The following PRDM12 variants were observed in gnomAD, a reference collection of about 807,000 sequenced individuals.
PRDM12 encodes the protein PR domain zinc finger protein 12.
Under a neutral mutation model 29.6 loss-of-function variants are expected in PRDM12, and 17 were observed. The ratio of observed to expected loss-of-function variants is 0.57; its 90% confidence interval spans 0.39 to 0.86. The LOEUF (loss-of-function observed/expected upper bound fraction) is 0.86. Among genes scored for constraint, PRDM12 ranks in the 40% least tolerant of loss-of-function variants. PRDM12 has a pLI of 0.00. For missense variants in PRDM12, 422 were observed against 510.8 expected, an observed-to-expected ratio of 0.83 and a Z score of 1.68; for synonymous variants, 231 against 225.8, an observed-to-expected ratio of 1.02 and a Z score of -0.21.
In PRDM12 at chr9:130,681,161, C is replaced by T; in HGVS notation, c.683-87C>T. ...GGCCCCGGGCTGGGGGCGCTGAGGG[C>T]CCGGGCTGCGGGGCGCCGGTTCTAA... On this transcript the variant is annotated intron_variant, in intron 4 of 4. Coordinates refer to ENST00000253008, the MANE Select transcript of PRDM12 (RefSeq NM_021619.3). The surrounding 1 kb of genome is among the most constrained non-coding windows in gnomAD (Gnocchi z 8.1). 1 of 1,286,528 alleles carries T rather than the reference C, an allele frequency of 7.8e-7. No individual in the cohort carries two copies. Among genetic ancestry groups the T allele is most frequent in the Non-Finnish European group, 1.0e-6 (1 of 999,180 alleles). 79.7% of individuals were successfully genotyped at this position (1,286,528 alleles called of 1,614,324 possible). A position where few individuals can be genotyped will look rare whatever the true frequency, so the allele number is the denominator to read the frequency against.
Position 130,664,780 on chromosome 9 carries a change from A to G in PRDM12, c.127A>G (p.Asn43Asp), listed in dbSNP as rs149449772. 8.3e-5 allele frequency: 133 copies of G among 1,604,396 alleles called. No homozygotes were observed. Among genetic ancestry groups the G allele is most frequent in the Non-Finnish European group, 8.3e-5 (98 of 1,176,930 alleles). The change falls in exon 1 of 5, where the codon AAC (asparagine) becomes GAC (aspartate). Residue 43 changes from asparagine to aspartate, a missense_variant. Physicochemically the swap from Asn to Asp is conservative, Grantham distance 23. Transcript: ENST00000253008. The surrounding 1 kb of genome is among the most constrained non-coding windows in gnomAD (Gnocchi z 6.4). The part of the protein sequence containing the change: ...LHSFLYGRWR[N>D]VLGEQLFEDK... ...CAGCTTCCTGTACGGCCGCTGGCGC[A>G]ACGTGCTCGGGGAGCAGCTCTTCGA... is the stretch of plus-strand genomic sequence containing the variant.
At chr9:130,665,311 G>A (rs1238377052) in intron 1 of PRDM12, among the ~76,000 whole-genome samples, 3 of 152,140 alleles carry the variant, frequency 2.0e-5, no homozygotes, top group Non-Finnish European at 4.4e-5. Context: ...GGGCTGGGGA[G>A]GGGGTGGAGG....
chr9:130,673,773 G>A (rs992346223), intron 3 of PRDM12, among the ~76,000 whole-genome samples: 3 of 148,090 alleles, frequency 2.0e-5, no homozygotes, highest in Non-Finnish European at 4.4e-5. Flanking sequence ...CTGGATTCAA[G>A]CGATTCTCCT....
intron 1 of PRDM12, among the ~76,000 whole-genome samples, chr9:130,666,402 A>G (rs1830733385): frequency 6.6e-6 from 1 of 152,228 alleles, no homozygotes; most frequent in South Asian, 2.1e-4. Context: ...CAGGGCACGG[A>G]GGGTCTCCAG....
chr9:130,671,341 T>TCAA (rs111668015), intron 3 of PRDM12, among the ~76,000 whole-genome samples: 4,595 of 148,152 alleles, frequency 0.031, 263 homozygotes, highest in African/African-American at 0.11. Flanking sequence ...AGACTCCGTC[T>TCAA]CAACAACAAC....
At chr9:130,674,056 C>A (rs1250678208) in intron 3 of PRDM12, among the ~76,000 whole-genome samples, 2 of 130,642 alleles carry the variant, frequency 1.5e-5, no homozygotes, top group Non-Finnish European at 3.1e-5. Context: ...GCTCTGTCTC[C>A]CAGGCTGGAG....
intron 2 of PRDM12, among the ~76,000 whole-genome samples, chr9:130,667,179 T>C (rs1241664247): frequency 1.3e-5 from 2 of 152,268 alleles, no homozygotes; most frequent in African/African-American, 2.4e-5. Context: ...GGAAGCAGCC[T>C]GGGAAGCCCC....
chr9:130,666,331 A>G (rs1293042782), intron 1 of PRDM12, among the ~76,000 whole-genome samples: 2 of 152,190 alleles, frequency 1.3e-5, no homozygotes, highest in African/African-American at 4.8e-5. Flanking sequence ...ATGCTTTGAG[A>G]ATTCGCGGAG....
At chr9:130,675,267 C>T (rs1830831645) in intron 3 of PRDM12, among the ~76,000 whole-genome samples, 1 of 152,260 alleles carries the variant, frequency 6.6e-6, no homozygotes, top group Non-Finnish European at 1.5e-5. Flanking sequence ...GACCCCCAGG[C>T]CTGGAGCCTG....
At position 130,668,313 on chromosome 9, in the gene PRDM12, G is replaced by GGT. The variant is rs138789124; in HGVS notation, c.570+16_570+17dup. ...CCAGCATCTTCTACAAGGCCATTGA[G>GGT]GTGTGTGTGTGTGTGTGCACTGTTG... On this transcript the variant is annotated frameshift_variant and splice_region_variant. Coordinates refer to ENST00000253008, the MANE Select transcript of PRDM12 (RefSeq NM_021619.3). LOFTEE classifies it high-confidence loss of function. The surrounding 1 kb of genome is among the most constrained non-coding windows in gnomAD (Gnocchi z 4.0). The GGT allele has an allele frequency of 5.0e-3, 7,902 of 1,588,580 alleles. 198 individuals carry two copies. The African/African-American group carries it at 0.083, about 17-fold the overall frequency.
chr9:130,681,605 TCGCCGCCGCCGCCGC>T lies in PRDM12; in HGVS notation c.1062_1076del (p.Ala355_Ala359del), dbSNP rs752427775. The stretch of plus-strand genomic sequence containing the variant: ...GCCCCGCACGCGCACGCGCCCGCGC[TCGCCGCCGCCGCCGC>T]CGCCGCCGCCGCCGCCGCCGCGCAC... On this transcript the variant is annotated inframe_deletion, in exon 5 of 5. Coordinates refer to ENST00000253008, the MANE Select transcript of PRDM12 (RefSeq NM_021619.3). The surrounding 1 kb of genome is among the most constrained non-coding windows in gnomAD (Gnocchi z 8.1). 8,293 of 955,238 alleles carry T rather than the reference TCGCCGCCGCCGCCGC, an allele frequency of 8.7e-3. 335 individuals carry two copies. In the East Asian group the frequency reaches 0.22, roughly 26 times the overall value. 59.2% of individuals were successfully genotyped at this position (955,238 alleles called of 1,614,324 possible). A position where few individuals can be genotyped will look rare whatever the true frequency, so the allele number is the denominator to read the frequency against.
rs779430839 is a variant in PRDM12, at chr9:130,681,510, C to G, written c.945C>G (p.Arg315=). Residue 315 remains arginine (R), a synonymous_variant, in exon 5 of 5, where the codon CGC becomes CGG. Coordinates refer to ENST00000253008, the MANE Select transcript of PRDM12 (RefSeq NM_021619.3). This position sits in a 1 kb window ranked among gnomAD's most constrained non-coding sequence, Gnocchi z 8.1. ...CCTACTCGCAGCTGGCCGGCCTGCG[C>G]GCCCACCAGAAGAGCGCGCGGCACC... ...QSAYSQLAGL[R]AHQKSARHRP... 15 of 1,457,928 alleles carry G rather than the reference C, an allele frequency of 1.0e-5. No individual in the cohort carries two copies. The highest frequency in any genetic ancestry group is 4.3e-5 in the Admixed American group (2 of 46,708). 90.3% of individuals were successfully genotyped at this position (1,457,928 alleles called of 1,614,324 possible).
At chr9:130,673,065 CTTTG>C (rs1830803857) in intron 3 of PRDM12, among the ~76,000 whole-genome samples, 2 of 152,114 alleles carry the variant, frequency 1.3e-5, no homozygotes, top group African/African-American at 4.8e-5. Flanking sequence ...TTGGGAATTG[CTTTG>C]TTTGTTTTGT....
At chr9:130,673,221 C>T (rs538002758) in intron 3 of PRDM12, among the ~76,000 whole-genome samples, 31 of 148,528 alleles carry the variant, frequency 2.1e-4, no homozygotes, top group African/African-American at 6.5e-4. Flanking sequence ...CTAGAGGGCA[C>T]GGTGGCTGTT....
In PRDM12 at chr9:130,664,734, T is replaced by C. The variant is rs1047555597; in HGVS notation, c.81T>C (p.Val27=). 1.2e-6 allele frequency: 2 copies of C among 1,610,680 alleles called. No homozygotes were observed. Among genetic ancestry groups the C allele is most frequent in the Non-Finnish European group, 8.5e-7 (1 of 1,179,658 alleles). Residue 27 remains valine (V), a synonymous_variant, in exon 1 of 5, where the codon GTT becomes GTC. Coordinates refer to ENST00000253008, the MANE Select transcript of PRDM12 (RefSeq NM_021619.3). The surrounding 1 kb of genome is among the most constrained non-coding windows in gnomAD (Gnocchi z 6.4). ...CGCCGGGACTGGCGCTGGCCGAGGT[T>C]ATCACCTCCGACATCCTGCACAGCT... is the stretch of plus-strand genomic sequence containing the variant. The part of the protein sequence containing the change: ...LKAPGLALAE[V]ITSDILHSFL...
chr9:130,676,938 T>G (rs754029519), intron 3 of PRDM12, among the ~76,000 whole-genome samples: 5 of 151,920 alleles, frequency 3.3e-5, no homozygotes, highest in Non-Finnish European at 7.4e-5. Context: ...AGACAGGGTC[T>G]TGCTCTGTCA....
In PRDM12 at chr9:130,681,721, C is replaced by T; in HGVS notation, c.*52C>T. On this transcript the variant is annotated 3_prime_UTR_variant, in exon 5 of 5. Transcript: ENST00000253008. The surrounding 1 kb of genome is among the most constrained non-coding windows in gnomAD (Gnocchi z 8.1). ...GCGCGCTCCTGGGTCCCCGGCACCC[C>T]GGCCCCGCAGCGCGACTCGCCCTCC... 1 of 979,880 alleles carries T rather than the reference C, an allele frequency of 1.0e-6. No homozygotes were observed. Among genetic ancestry groups the T allele is most frequent in the Non-Finnish European group, 1.2e-6 (1 of 826,390 alleles). The allele number at this position is 979,880 out of a possible 1,614,324, so 60.7% of individuals were successfully genotyped here. A position where few individuals can be genotyped will look rare whatever the true frequency, so the allele number is the denominator to read the frequency against.
chr9:130,677,369 G>C (rs1377157648), intron 3 of PRDM12, among the ~76,000 whole-genome samples: 1 of 152,206 alleles, frequency 6.6e-6, no homozygotes, highest in Non-Finnish European at 1.5e-5. Context: ...AGACACAGAG[G>C]GGGCCCTGTC....
Position 130,668,984 on chromosome 9 carries a change from C to A in PRDM12, c.570+671C>A, listed in dbSNP as rs192087799. On this transcript the variant is annotated intron_variant, in intron 3 of 4. Transcript: ENST00000253008. The surrounding 1 kb of genome is among the most constrained non-coding windows in gnomAD (Gnocchi z 4.0). ...GGGGGAGTGTTAGCACTAATAGCTG[C>A]GCTTCCTGAGCCTTCTCAGAGGAGA... 3.9e-5 allele frequency among the ~76,000 whole-genome samples: 6 copies of A among 152,210 alleles called. No homozygotes were observed. In the East Asian group the frequency reaches 1.2e-3, roughly 29 times the overall value.
Sources: gnomAD v4.1 joint callset for allele counts (sites outside exome capture counted in the v4.1 genomes callset) on GRCh38, gnomAD v4.1.1 for gene constraint, Gnocchi (gnomAD v3.1) non-coding constraint, MANE v1.5 for transcripts, NCBI Gene and HGNC (gene_info 2026-07-23, HGNC 2026-07-21) for gene names.